The following TMEM181 variants were observed in gnomAD, a reference collection of about 807,000 sequenced individuals.
TMEM181 encodes G protein-coupled receptor 178.
In TMEM181, 39 loss-of-function variants were observed where a neutral mutation model predicts 71.9. The observed-to-expected ratio is 0.54, with a 90% CI of 0.42 to 0.71. TMEM181 has a LOEUF of 0.71. Ranked by LOEUF, TMEM181 falls within the 30% of genes least tolerant of loss-of-function variation. The pLI is 0.00. For synonymous variants in TMEM181, 245 were observed against 228.8 expected, an observed-to-expected ratio of 1.07 and a Z score of -0.64; for missense variants, 595 against 583.0, an observed-to-expected ratio of 1.02 and a Z score of -0.21.
At position 158,624,162 on chromosome 6, in the gene TMEM181, C is replaced by T. The variant is rs370207967; in HGVS notation, c.954+555C>T. Among the ~76,000 whole-genome samples, 52 of 152,330 alleles carry T rather than the reference C, an allele frequency of 3.4e-4. 1 individual carries two copies. The East Asian group carries it at 8.5e-3, about 25-fold the overall frequency. ...TGGTTCTGGTCGGCTGCTCTTCCTT[C>T]CCAGTCAGGTGTCGGGGAGAACCAG... On this transcript the variant is annotated intron_variant, in intron 11 of 16. Transcript: ENST00000684151.
At chr6:158,597,495 GC>G (rs1784443633) in intron 6 of TMEM181, among the ~76,000 whole-genome samples, 1 of 151,836 alleles carries the variant, frequency 6.6e-6, no homozygotes, top group South Asian at 2.1e-4. Context: ...GACAAAGGAG[GC>G]CTCAGCTAGC....
At chr6:158,615,900 G>A (rs1278283731) in intron 10 of TMEM181, among the ~76,000 whole-genome samples, 1 of 152,188 alleles carries the variant, frequency 6.6e-6, no homozygotes, top group Non-Finnish European at 1.5e-5. Context: ...TTGTAGTATA[G>A]TTTAAAGTCA....
rs563455303 is a variant in TMEM181 at position 158,581,264 on chromosome 6, A to G, written c.168+269A>G. Among the ~76,000 whole-genome samples the G allele has an allele frequency of 2.4e-4, 37 of 152,214 alleles. 1 individual carries two copies. Among genetic ancestry groups the G allele is most frequent in the African/African-American group, 7.9e-4 (33 of 41,524 alleles). On this transcript the variant is annotated intron_variant, in intron 3 of 16. Transcript: ENST00000684151. The stretch of plus-strand genomic sequence containing the variant: ...GTTGTTCATTTCCAAAGAGTGGCTA[A>G]CTCATCCTGATTCCTTGCCTCTGTA...
chr6:158,617,531 G>A (rs939532128), intron 10 of TMEM181, among the ~76,000 whole-genome samples: 2 of 152,050 alleles, frequency 1.3e-5, no homozygotes, highest in African/African-American at 4.8e-5. Context: ...TTTTGAATGT[G>A]TTTGCTCTTG....
intron 2 of TMEM181, among the ~76,000 whole-genome samples, chr6:158,573,888 G>A (rs1217010284): frequency 6.6e-6 from 1 of 152,124 alleles, no homozygotes; most frequent in Non-Finnish European, 1.5e-5. Flanking sequence ...CCATGGAAGA[G>A]CTCTGATGCA....
intron 1 of TMEM181, among the ~76,000 whole-genome samples, chr6:158,571,125 C>T (rs1211390036): frequency 1.3e-5 from 2 of 150,856 alleles, no homozygotes; most frequent in Non-Finnish European, 3.0e-5. Flanking sequence ...GAGATGGAGT[C>T]TCGTTCTGTT....
chr6:158,568,146 G>T (rs752646075), intron 1 of TMEM181, among the ~76,000 whole-genome samples: 5 of 152,238 alleles, frequency 3.3e-5, no homozygotes, highest in Middle Eastern at 6.8e-3. Flanking sequence ...TGGAAGGAGC[G>T]AGAGAAGGGC....
At chr6:158,590,137 T>C (rs765329531) in intron 6 of TMEM181, among the ~76,000 whole-genome samples, 2 of 152,156 alleles carry the variant, frequency 1.3e-5, no homozygotes, top group Non-Finnish European at 2.9e-5. Flanking sequence ...GAGGGCACTG[T>C]TCTAATTGTT....
intron 10 of TMEM181, among the ~76,000 whole-genome samples, chr6:158,622,442 TTG>T (rs1440696241): frequency 1.3e-5 from 2 of 152,028 alleles, no homozygotes; most frequent in African/African-American, 2.4e-5. Flanking sequence ...GTGTCGGTGG[TTG>T]TGTGTCAGGA....
At chr6:158,560,797 C>T (rs941573550) in intron 1 of TMEM181, among the ~76,000 whole-genome samples, 2 of 145,080 alleles carry the variant, frequency 1.4e-5, no homozygotes, top group Admixed American at 7.0e-5. Context: ...ATGCGTTTTA[C>T]GATCTGCTGA....
chr6:158,634,778 A>G lies in TMEM181; in HGVS notation c.*2890A>G, dbSNP rs560705697. On this transcript the variant is annotated 3_prime_UTR_variant, in exon 17 of 17. Transcript: ENST00000684151. The stretch of plus-strand genomic sequence containing the variant: ...ACCCAACCCACTAAATGAGCAGGTT[A>G]CAAGACAAATGTCACCAGCCTCAAG... 1.2e-3 allele frequency: 179 copies of G among 152,314 alleles called. No homozygotes were observed. Among genetic ancestry groups the G allele is most frequent in the African/African-American group, 4.1e-3 (172 of 41,580 alleles). The allele number at this position is 152,314 out of a possible 1,614,324, so 9.4% of individuals were successfully genotyped here. A position where few individuals can be genotyped will look rare whatever the true frequency, so the allele number is the denominator to read the frequency against.
chr6:158,619,063 TGGG>T (rs1306324543), intron 10 of TMEM181, among the ~76,000 whole-genome samples: 3 of 152,220 alleles, frequency 2.0e-5, no homozygotes, highest in Non-Finnish European at 4.4e-5. Context: ...GAAGTTCTCC[TGGG>T]GGATAATATC....
At chr6:158,610,336 TC>T in intron 10 of TMEM181, 1 of 288,248 alleles carries the variant, frequency 3.5e-6, no homozygotes. Context: ...TTTCAACAGC[TC>T]CCCCCGTAGG....
At chr6:158,583,207 T>TG (rs1456416501) in intron 3 of TMEM181, among the ~76,000 whole-genome samples, 1 of 152,200 alleles carries the variant, frequency 6.6e-6, no homozygotes, top group Non-Finnish European at 1.5e-5. Flanking sequence ...CTCTCCAGCC[T>TG]GGGTGACAGA....
intron 6 of TMEM181, 132 bp from the exon 7 acceptor site, chr6:158,605,130 AAGTGT>A (rs1335629282): frequency 3.3e-4 from 69 of 210,916 alleles, no homozygotes; most frequent in East Asian, 1.9e-3. Flanking sequence ...AAAAAAAAAA[AAGTGT>A]GTGTGTGTGT....
intron 1 of TMEM181, among the ~76,000 whole-genome samples, chr6:158,537,062 C>T (rs1489144899): frequency 1.3e-5 from 2 of 151,904 alleles, no homozygotes; most frequent in Non-Finnish European, 2.9e-5. Context: ...AGCAGGGATA[C>T]TGGCAGCGGC....
chr6:158,595,863 G>A (rs558364733), intron 6 of TMEM181, among the ~76,000 whole-genome samples: 35 of 152,216 alleles, frequency 2.3e-4, no homozygotes, highest in African/African-American at 8.2e-4. Flanking sequence ...TTATGCAGGT[G>A]TGTTCAATTT....
intron 1 of TMEM181, among the ~76,000 whole-genome samples, chr6:158,561,007 C>A (rs1782138638): frequency 6.6e-6 from 1 of 152,150 alleles, no homozygotes. Context: ...TGCAGAAAGT[C>A]CGGGAGAAGG....
intron 1 of TMEM181, among the ~76,000 whole-genome samples, chr6:158,554,416 T>C (rs9457402): frequency 0.61 from 92,955 of 151,902 alleles, 28,835 homozygotes; most frequent in East Asian, 0.73. Context: ...GATGGGATTT[T>C]GCCATGTTGG....
Sources: gnomAD v4.1 joint callset for allele counts (sites outside exome capture counted in the v4.1 genomes callset) on GRCh38, gnomAD v4.1.1 for gene constraint, MANE v1.5 for transcripts, NCBI Gene and HGNC (gene_info 2026-07-23, HGNC 2026-07-21) for gene names.